CACNA1C: variants seen among roughly 807,000 people sequenced by gnomAD.
CACNA1C encodes the protein voltage-dependent L-type calcium channel subunit alpha-1C.
A neutral mutation model predicts 229.0 loss-of-function variants in CACNA1C; 30 were observed. The observed-to-expected ratio is 0.13, with a 90% CI of 0.10 to 0.18. The LOEUF (loss-of-function observed/expected upper bound fraction) is 0.18. Among genes scored for constraint, CACNA1C ranks in the 10% least tolerant of loss-of-function variants. The pLI is 1.00. For synonymous variants in CACNA1C, 1,114 were observed against 1,132.5 expected (o/e 0.98, Z 0.33); for missense variants, 1,658 against 2,845.0 (o/e 0.58, Z 9.49).
chr12:2,045,804 C>CCAGAGAG (rs1293306532), intron 1 of CACNA1C, among the ~76,000 whole-genome samples: 3 of 151,878 alleles, frequency 2.0e-5, no homozygotes, highest in Non-Finnish European at 4.4e-5. Flanking sequence ...GTCCTAATCC[C>CCAGAGAG]CAGAGAGTGT....
At chr12:2,384,956 G>A (rs2098343640) in intron 3 of CACNA1C, among the ~76,000 whole-genome samples, 1 of 152,188 alleles carries the variant, frequency 6.6e-6, no homozygotes, top group Non-Finnish European at 1.5e-5. Context: ...GAAAGGGGCT[G>A]GGAGTGGTCA....
rs552259318 is a variant in CACNA1C, at chr12:2,512,435, A to G, written c.1218-377A>G. Among the ~76,000 whole-genome samples the G allele has an allele frequency of 1.3e-5, 2 of 152,172 alleles. No individual in the cohort carries two copies. The highest frequency in any genetic ancestry group is 4.8e-5 in the African/African-American group (2 of 41,522). On this transcript the variant is annotated intron_variant, in intron 8 of 46. Coordinates refer to ENST00000399655, the MANE Select transcript of CACNA1C (RefSeq NM_000719.7). This position sits in a 1 kb window ranked among gnomAD's most constrained non-coding sequence, Gnocchi z 4.3. ...GGTGGGATGGAAATGCATGTTCTGGAATGGTGGTGGAGGTTTTTAGTTACT... is the reference window on the plus strand; with the variant it reads ...GGTGGGATGGAAATGCATGTTCTGGGATGGTGGTGGAGGTTTTTAGTTACT...
At chr12:2,019,755 T>G (rs150341107) in intron 1 of CACNA1C, among the ~76,000 whole-genome samples, 2,040 of 152,302 alleles carry the variant, frequency 0.013, 25 homozygotes, top group Middle Eastern at 0.031. Flanking sequence ...ATATGTTAAG[T>G]ATTTTTAAAT....
chr12:2,135,976 C>T (rs944288045), intron 3 of CACNA1C, among the ~76,000 whole-genome samples: 2 of 150,208 alleles, frequency 1.3e-5, no homozygotes, highest in Non-Finnish European at 3.0e-5. Flanking sequence ...GGGCGTAGGA[C>T]CCTCCGAGCC....
chr12:2,493,508 T>G lies in CACNA1C; in HGVS notation c.1113+122T>G, dbSNP rs980702354. 1 of 743,108 alleles carries G rather than the reference T, an allele frequency of 1.3e-6. No individual in the cohort carries two copies. The highest frequency in any genetic ancestry group is 1.7e-5 in the African/African-American group (1 of 57,208). The allele number at this position is 743,108 out of a possible 1,614,324, so 46.0% of individuals were successfully genotyped here. A position where few individuals can be genotyped will look rare whatever the true frequency, so the allele number is the denominator to read the frequency against. The stretch of plus-strand genomic sequence containing the variant: ...TCACATACGCATCTTGATGGAATGG[T>G]TGATGAAGAGCGTCTTTGATTTCTT... On this transcript the variant is annotated intron_variant, in intron 7 of 46. Transcript: ENST00000399655. The surrounding 1 kb of genome is among the most constrained non-coding windows in gnomAD (Gnocchi z 4.6).
chr12:2,527,050 T>G (rs1033681519), intron 9 of CACNA1C, among the ~76,000 whole-genome samples: 4 of 152,204 alleles, frequency 2.6e-5, no homozygotes, highest in Non-Finnish European at 5.9e-5. Context: ...GATAAAGTTA[T>G]TCAGTGTTTT....
rs1202597359 is a variant in CACNA1C at position 2,677,434 on chromosome 12, T to C, written c.4956+213T>C. ...ACCCACCGACTGCCCTCCATGGTTCTGCCTGCTGTCATAGCCCCCAGATCT... is the reference window on the plus strand; with the variant it reads ...ACCCACCGACTGCCCTCCATGGTTCCGCCTGCTGTCATAGCCCCCAGATCT... On this transcript the variant is annotated intron_variant, in intron 40 of 46. Coordinates refer to ENST00000399655, the MANE Select transcript of CACNA1C (RefSeq NM_000719.7). The surrounding 1 kb of genome is among the most constrained non-coding windows in gnomAD (Gnocchi z 7.4). 1 of 625,892 alleles carries C rather than the reference T, an allele frequency of 1.6e-6. No homozygotes were observed. 38.8% of individuals were successfully genotyped at this position (625,892 alleles called of 1,614,324 possible). A position where few individuals can be genotyped will look rare whatever the true frequency, so the allele number is the denominator to read the frequency against.
intron 46 of CACNA1C, 66 bp downstream of exon 46, chr12:2,688,845 C>A: frequency 7.8e-7 from 1 of 1,288,342 alleles, no homozygotes. Context: ...GCATGCGGGG[C>A]TGAGAAGGGA....
At chr12:2,161,428 A>T (rs1198303671) in intron 3 of CACNA1C, among the ~76,000 whole-genome samples, 3 of 152,158 alleles carry the variant, frequency 2.0e-5, no homozygotes, top group Non-Finnish European at 2.9e-5. Context: ...TGGTCGGCCC[A>T]CTTTGTCATT....
chr12:2,585,269 G>T lies in CACNA1C; in HGVS notation c.2340-107G>T. 9.1e-7 allele frequency: 1 copy of T among 1,101,412 alleles called. No individual in the cohort carries two copies. The highest frequency in any genetic ancestry group is 2.3e-4 in the Middle Eastern group (1 of 4,292). 68.2% of individuals were successfully genotyped at this position (1,101,412 alleles called of 1,614,324 possible). Reference sequence around the variant, plus strand: ...AAGGAAGATGGACTCAGACCCAGGGGATCTGTCCCCTCTGGCCCCAACAGG... The same window carrying T: ...AAGGAAGATGGACTCAGACCCAGGGTATCTGTCCCCTCTGGCCCCAACAGG... On this transcript the variant is annotated intron_variant, in intron 16 of 46. Transcript: ENST00000399655. The surrounding 1 kb of genome is among the most constrained non-coding windows in gnomAD (Gnocchi z 4.1).
At chr12:1,979,574 A>T (rs897990660) in intron 1 of CACNA1C, among the ~76,000 whole-genome samples, 3 of 152,222 alleles carry the variant, frequency 2.0e-5, no homozygotes, top group African/African-American at 7.2e-5. Flanking sequence ...AGCCTCCCAT[A>T]GTGTTGGGAT....
intron 30 of CACNA1C, among the ~76,000 whole-genome samples, chr12:2,644,499 A>G (rs1030114741): frequency 2.6e-5 from 4 of 152,122 alleles, no homozygotes; most frequent in Non-Finnish European, 5.9e-5. Context: ...TTTTTTTCGT[A>G]TGGTGAAGAG....
chr12:2,409,161 G>A (rs998495063), intron 3 of CACNA1C, among the ~76,000 whole-genome samples: 1 of 152,204 alleles, frequency 6.6e-6, no homozygotes, highest in South Asian at 2.1e-4. Flanking sequence ...TTGTCCTCAT[G>A]ATAACTGCTG....
intron 1 of CACNA1C, among the ~76,000 whole-genome samples, chr12:2,057,809 C>T (rs2055793686): frequency 6.6e-6 from 1 of 152,182 alleles, no homozygotes; most frequent in Non-Finnish European, 1.5e-5. Flanking sequence ...GGTTTAGTAA[C>T]CAGAGGGCCC....
intron 3 of CACNA1C, among the ~76,000 whole-genome samples, chr12:2,192,049 CACATACACACTCAGGCACAG>C (rs1487044260): frequency 6.6e-6 from 1 of 152,096 alleles, no homozygotes; most frequent in African/African-American, 2.4e-5. Flanking sequence ...TACAGGCACA[CACATACACACTCAGGCACAG>C]ACACACACAC....
chr12:2,153,996 G>A (rs1312561306), intron 3 of CACNA1C, among the ~76,000 whole-genome samples: 2 of 152,082 alleles, frequency 1.3e-5, no homozygotes, highest in Non-Finnish European at 2.9e-5. Context: ...CCAAAATGCT[G>A]GGTAGAGGTT....
chr12:2,247,937 C>G (rs866384737), intron 3 of CACNA1C, among the ~76,000 whole-genome samples: 20 of 152,268 alleles, frequency 1.3e-4, no homozygotes, highest in Middle Eastern at 6.8e-3. Flanking sequence ...TGGCTGAGAA[C>G]CTTTGTAAGC....
At chr12:2,560,885 C>G (rs1386270700) in intron 11 of CACNA1C, among the ~76,000 whole-genome samples, 1 of 145,722 alleles carries the variant, frequency 6.9e-6, no homozygotes. Flanking sequence ...GAAACTTACT[C>G]TAGCCACTAG....
At chr12:2,320,640 C>T (rs2095937160) in intron 3 of CACNA1C, among the ~76,000 whole-genome samples, 1 of 152,162 alleles carries the variant, frequency 6.6e-6, no homozygotes, top group South Asian at 2.1e-4. Context: ...TTTCTTTTCT[C>T]TCTGGGGGTG....
Sources: allele counts gnomAD v4.1 joint callset (sites outside exome capture counted in the v4.1 genomes callset), GRCh38; gene constraint gnomAD v4.1.1; non-coding constraint Gnocchi (gnomAD v3.1); transcripts MANE v1.5; gene names NCBI Gene and HGNC (gene_info 2026-07-23, HGNC 2026-07-21).